Variants in AMPH observed in about 807,000 individuals in gnomAD.
AMPH encodes amphiphysin, also known as amphiphysin (Stiff-Mann syndrome with breast cancer 128kD autoantigen).
A neutral mutation model predicts 99.1 loss-of-function variants in AMPH; 49 were observed. That is an observed-to-expected ratio of 0.49 (90% CI 0.39 to 0.63). AMPH has a LOEUF of 0.63. Among genes scored for constraint, AMPH ranks in the 20% least tolerant of loss-of-function variants. The pLI, the probability that AMPH is intolerant of heterozygous loss-of-function variation, is 0.00. For missense variants in AMPH, 759 were observed against 863.4 expected, an observed-to-expected ratio of 0.88 and a Z score of 1.52; for synonymous variants, 314 against 317.3, an observed-to-expected ratio of 0.99 and a Z score of 0.11.
At chr7:38,433,744 A>AAAAAAAAAAAAAAAAAAAG (rs1562751901) in intron 12 of AMPH, among the ~76,000 whole-genome samples, 1 of 147,506 alleles carries the variant, frequency 6.8e-6, no homozygotes, top group African/African-American at 2.6e-5. Context: ...AAAAAAAAAA[A>AAAAAAAAAAAAAAAAAAAG]AAGAATCAAA....
intron 2 of AMPH, among the ~76,000 whole-genome samples, chr7:38,510,486 C>G (rs946896262): frequency 2.0e-5 from 3 of 152,160 alleles, no homozygotes; most frequent in African/African-American, 7.2e-5. Context: ...AAGTCTAACA[C>G]CTACTGAGTG....
At chr7:38,445,002 T>TATATAC (rs1786707115) in intron 11 of AMPH, among the ~76,000 whole-genome samples, 7 of 127,672 alleles carry the variant, frequency 5.5e-5, no homozygotes, top group African/African-American at 2.1e-4. Flanking sequence ...TATATATATA[T>TATATAC]ATATATATAC....
intron 1 of AMPH, among the ~76,000 whole-genome samples, chr7:38,587,642 T>G (rs1792703463): frequency 6.6e-6 from 1 of 152,174 alleles, no homozygotes; most frequent in African/African-American, 2.4e-5. Flanking sequence ...AATTAGCAAA[T>G]GTCTTACATA....
Position 38,530,402 on chromosome 7 carries a change from T to C in AMPH, c.150+4529A>G, listed in dbSNP as rs908852711. ...TTAGCCTATCACTCAGTCGTGGCCATGGAGGAGCTGCACAACACTGCTATG... is the reference window on the plus strand; with the variant it reads ...TTAGCCTATCACTCAGTCGTGGCCACGGAGGAGCTGCACAACACTGCTATG... On this transcript the variant is annotated intron_variant, in intron 2 of 20. Coordinates refer to ENST00000356264, the MANE Select transcript of AMPH (RefSeq NM_001635.4). 2.6e-5 allele frequency among the ~76,000 whole-genome samples: 4 copies of C among 152,262 alleles called. No homozygotes were observed. The East Asian group carries it at 7.7e-4, about 29-fold the overall frequency.
chr7:38,605,578 T>A (rs1472374236), intron 1 of AMPH, among the ~76,000 whole-genome samples: 3 of 138,054 alleles, frequency 2.2e-5, no homozygotes, highest in African/African-American at 8.7e-5. Context: ...TTTCTTTTTC[T>A]TTTTTTCTTT....
chr7:38,553,464 C>T (rs1166022472), intron 1 of AMPH, among the ~76,000 whole-genome samples: 1 of 152,192 alleles, frequency 6.6e-6, no homozygotes, highest in Non-Finnish European at 1.5e-5. Flanking sequence ...AACACACATG[C>T]AAATATACAT....
Position 38,466,039 on chromosome 7 carries a change from G to A in AMPH, c.666+134C>T, listed in dbSNP as rs570052415. The A allele has an allele frequency of 2.1e-5, 14 of 667,684 alleles. No individual in the cohort carries two copies. In the African/African-American group the frequency reaches 2.5e-4, roughly 12 times the overall value. The allele number at this position is 667,684 out of a possible 1,614,324, so 41.4% of individuals were successfully genotyped here. A position where few individuals can be genotyped will look rare whatever the true frequency, so the allele number is the denominator to read the frequency against. On this transcript the variant is annotated intron_variant, in intron 8 of 20. Coordinates refer to ENST00000356264, the MANE Select transcript of AMPH (RefSeq NM_001635.4). ...GAAAAACCGTAGAAATGTTATCGAG[G>A]GTAATAACACACTGCTAAAAGAAAC...
At chr7:38,534,388 G>A (rs552171882) in intron 2 of AMPH, among the ~76,000 whole-genome samples, 12 of 152,208 alleles carry the variant, frequency 7.9e-5, no homozygotes, top group South Asian at 2.1e-4. Flanking sequence ...TACAGTGGTC[G>A]GAGACCGGGC....
chr7:38,609,601 A>G (rs1056507861), intron 1 of AMPH, among the ~76,000 whole-genome samples: 2 of 152,208 alleles, frequency 1.3e-5, no homozygotes, highest in African/African-American at 4.8e-5. Flanking sequence ...GACCGAACCA[A>G]GAGGTGCTAA....
At chr7:38,430,287 C>T (rs1785958275) in intron 13 of AMPH, among the ~76,000 whole-genome samples, 1 of 152,196 alleles carries the variant, frequency 6.6e-6, no homozygotes, top group South Asian at 2.1e-4. Flanking sequence ...TCATCCTATA[C>T]TTGGCTCTGT....
At chr7:38,468,339 A>C (rs1483145540) in intron 7 of AMPH, among the ~76,000 whole-genome samples, 1 of 151,972 alleles carries the variant, frequency 6.6e-6, no homozygotes, top group East Asian at 1.9e-4. Context: ...ATTTCTTAGT[A>C]TTGTTTTTCT....
At chr7:38,482,231 CAG>C (rs891457167) in intron 5 of AMPH, among the ~76,000 whole-genome samples, 2 of 151,704 alleles carry the variant, frequency 1.3e-5, no homozygotes, top group Non-Finnish European at 2.9e-5. Flanking sequence ...TTGAGGGAGA[CAG>C]AGAGAGAGAG....
intron 11 of AMPH, among the ~76,000 whole-genome samples, chr7:38,437,079 G>A (rs925248037): frequency 4.6e-5 from 7 of 152,116 alleles, no homozygotes; most frequent in Non-Finnish European, 1.0e-4. Flanking sequence ...AAGAAGGTAA[G>A]CCAAATAAGA....
intron 1 of AMPH, among the ~76,000 whole-genome samples, chr7:38,605,478 T>C (rs926378638): frequency 5.9e-5 from 9 of 152,178 alleles, no homozygotes; most frequent in Non-Finnish European, 1.3e-4. Flanking sequence ...TCTGTGAAAA[T>C]GTAAGGTAGA....
intron 1 of AMPH, among the ~76,000 whole-genome samples, chr7:38,568,638 T>C (rs963969199): frequency 1.1e-4 from 17 of 152,338 alleles, no homozygotes; most frequent in South Asian, 2.1e-4. Flanking sequence ...TGCTCCTTGA[T>C]GCAACAGGAA....
At chr7:38,463,909 A>G (rs1787551559) in intron 9 of AMPH, among the ~76,000 whole-genome samples, 1 of 152,202 alleles carries the variant, frequency 6.6e-6, no homozygotes, top group Non-Finnish European at 1.5e-5. Context: ...TCTGTACCCC[A>G]AAATAAAAGA....
In AMPH at chr7:38,503,636, C is replaced by T. The variant is rs1789226463; in HGVS notation, c.205+14G>A. On this transcript the variant is annotated intron_variant, in intron 3 of 20. Coordinates refer to ENST00000356264, the MANE Select transcript of AMPH (RefSeq NM_001635.4). ...GTGCTAAGTAACATGCAGTAAACAA[C>T]TCATACACATTACCTTTGATTGCTG... The T allele has an allele frequency of 3.7e-6, 6 of 1,612,812 alleles. No individual in the cohort carries two copies. The highest frequency in any genetic ancestry group is 1.7e-6 in the Non-Finnish European group (2 of 1,179,028).
intron 1 of AMPH, among the ~76,000 whole-genome samples, chr7:38,558,342 T>C (rs974044722): frequency 6.6e-6 from 1 of 152,158 alleles, no homozygotes; most frequent in Admixed American, 6.5e-5. Flanking sequence ...CAGAAGCAGG[T>C]GGAGTGCACC....
chr7:38,504,964 A>G (rs769803671), intron 2 of AMPH, among the ~76,000 whole-genome samples: 2 of 152,244 alleles, frequency 1.3e-5, no homozygotes, highest in Non-Finnish European at 2.9e-5. Context: ...CAGCAACTTC[A>G]ATAGCCATGT....
Sources: gnomAD v4.1 joint callset for allele counts (sites outside exome capture counted in the v4.1 genomes callset) on GRCh38, gnomAD v4.1.1 for gene constraint, MANE v1.5 for transcripts, NCBI Gene and HGNC (gene_info 2026-07-23, HGNC 2026-07-21) for gene names.